The following VSNL1 variants were observed in gnomAD, a reference collection of about 807,000 sequenced individuals.
The protein encoded by VSNL1 is visinin like 1.
In VSNL1, 6 loss-of-function variants were observed where a neutral mutation model predicts 20.4. The ratio of observed to expected loss-of-function variants is 0.29; its 90% confidence interval spans 0.16 to 0.58. VSNL1 has a LOEUF of 0.58. VSNL1 is among the 20% of genes least tolerant of loss of function. VSNL1 has a pLI of 0.90. For missense variants in VSNL1, 100 were observed against 234.5 expected (o/e 0.43, Z 3.75); for synonymous variants, 93 against 86.4 (o/e 1.08, Z -0.42).
chr2:17,543,554 C>A (rs112333943), intron 1 of VSNL1, among the ~76,000 whole-genome samples: 1 of 152,200 alleles, frequency 6.6e-6, no homozygotes, highest in Non-Finnish European at 1.5e-5. Context: ...TGTCTCCAGC[C>A]TTCCTGGAAA....
chr2:17,592,668 T>C (rs1201591302), intron 2 of VSNL1, among the ~76,000 whole-genome samples: 7 of 116,030 alleles, frequency 6.0e-5, no homozygotes, highest in East Asian at 5.2e-4. Context: ...TTTTTTTTTT[T>C]TTTTTTTTTT....
intron 2 of VSNL1, among the ~76,000 whole-genome samples, chr2:17,624,078 G>A (rs1245187570): frequency 6.6e-6 from 1 of 152,236 alleles, no homozygotes; most frequent in Non-Finnish European, 1.5e-5. Context: ...GAATTATCAT[G>A]AGGACTAAAG....
At chr2:17,613,251 C>G (rs1279628601) in intron 2 of VSNL1, among the ~76,000 whole-genome samples, 1 of 152,184 alleles carries the variant, frequency 6.6e-6, no homozygotes, top group Non-Finnish European at 1.5e-5. Context: ...TTTCTCAAAT[C>G]TTCAGCAAGG....
At chr2:17,555,039 G>A (rs1663640497) in intron 1 of VSNL1, among the ~76,000 whole-genome samples, 1 of 148,526 alleles carries the variant, frequency 6.7e-6, no homozygotes, top group African/African-American at 2.4e-5. Flanking sequence ...CCACTTAAAG[G>A]AAAATCTTTG....
At chr2:17,591,598 G>A (rs920215702) in intron 1 of VSNL1, among the ~76,000 whole-genome samples, 3 of 152,128 alleles carry the variant, frequency 2.0e-5, no homozygotes, top group Admixed American at 6.6e-5. Flanking sequence ...TAATATTGCT[G>A]ATTGGATATT....
At position 17,561,878 on chromosome 2, in the gene VSNL1, TG is replaced by T. The variant is rs1237732314; in HGVS notation, c.-6+20962del. On this transcript the variant is annotated intron_variant, in intron 1 of 3. Transcript: ENST00000295156. ...CACACCAAGTATCTATTCTTTTTTT[TG>T]GTGACTCTTAACAATAGCCAAGAAG... 7.2e-5 allele frequency among the ~76,000 whole-genome samples: 11 copies of T among 152,332 alleles called. No individual in the cohort carries two copies. In the East Asian group the frequency reaches 1.7e-3, roughly 24 times the overall value.
chr2:17,543,239 A>G (rs1663331007), intron 1 of VSNL1, among the ~76,000 whole-genome samples: 1 of 151,994 alleles, frequency 6.6e-6, no homozygotes, highest in South Asian at 2.1e-4. Context: ...ATCTCAGACA[A>G]TTTCTTTGGA....
At chr2:17,570,255 C>T (rs2103355493) in intron 1 of VSNL1, among the ~76,000 whole-genome samples, 1 of 152,276 alleles carries the variant, frequency 6.6e-6, no homozygotes, top group Non-Finnish European at 1.5e-5. Context: ...ATGAGACTCC[C>T]TACATGCGTA....
chr2:17,655,685 A>G lies in VSNL1; in HGVS notation c.*291A>G. On this transcript the variant is annotated 3_prime_UTR_variant, in exon 4 of 4. Transcript: ENST00000295156. The surrounding 1 kb of genome is among the most constrained non-coding windows in gnomAD (Gnocchi z 5.2). ...CTCTTCCTCCAAAGCCTGGGCAGAA[A>G]TGTGCTGCAAAGAGTTATATGACTT... 3.2e-6 allele frequency: 1 copy of G among 314,754 alleles called. No homozygotes were observed. Among genetic ancestry groups the G allele is most frequent in the South Asian group, 4.4e-5 (1 of 22,654 alleles). The allele number at this position is 314,754 out of a possible 1,614,324, so 19.5% of individuals were successfully genotyped here. A position where few individuals can be genotyped will look rare whatever the true frequency, so the allele number is the denominator to read the frequency against.
chr2:17,541,689 A>G (rs1017288358), intron 1 of VSNL1: 24 of 152,150 alleles, frequency 1.6e-4, no homozygotes, highest in African/African-American at 5.6e-4. Flanking sequence ...GGTGTGTTAC[A>G]TTTGGTAGTA....
At chr2:17,629,927 T>C (rs768957527) in intron 2 of VSNL1, among the ~76,000 whole-genome samples, 1 of 152,222 alleles carries the variant, frequency 6.6e-6, no homozygotes, top group African/African-American at 2.4e-5. Flanking sequence ...CCAGGCTTTT[T>C]ATGGACTCGG....
chr2:17,572,752 C>T (rs1466321891), intron 1 of VSNL1, among the ~76,000 whole-genome samples: 1 of 152,210 alleles, frequency 6.6e-6, no homozygotes, highest in African/African-American at 2.4e-5. Flanking sequence ...GTGGTATTCT[C>T]TTACTACTTA....
chr2:17,642,309 C>CTTTTTGTTTTTTTTTTTTTT (rs1665897918), intron 2 of VSNL1, among the ~76,000 whole-genome samples: 1 of 93,194 alleles, frequency 1.1e-5, no homozygotes, highest in Non-Finnish European at 2.3e-5. Flanking sequence ...GTGAGCATTC[C>CTTTTTGTTTTTTTTTTTTTT]TTTTTTTTTT....
At chr2:17,616,637 G>T (rs138347428) in intron 2 of VSNL1, among the ~76,000 whole-genome samples, 311 of 152,330 alleles carry the variant, frequency 2.0e-3, no homozygotes, top group Non-Finnish European at 2.7e-3. Context: ...GCAGTTACTT[G>T]TGTGTATGTC....
intron 2 of VSNL1, among the ~76,000 whole-genome samples, chr2:17,626,053 A>C (rs1284073739): frequency 6.6e-6 from 1 of 151,916 alleles, no homozygotes; most frequent in Non-Finnish European, 1.5e-5. Context: ...TCCTGATCTC[A>C]AGTGATCCGC....
intron 1 of VSNL1, among the ~76,000 whole-genome samples, chr2:17,573,858 C>G (rs886438594): frequency 6.6e-6 from 1 of 152,182 alleles, no homozygotes; most frequent in Non-Finnish European, 1.5e-5. Flanking sequence ...TTGTGTCTTC[C>G]CTAGACCTGT....
intron 2 of VSNL1, among the ~76,000 whole-genome samples, chr2:17,611,125 G>T (rs995018172): frequency 1.3e-5 from 2 of 152,152 alleles, no homozygotes; most frequent in African/African-American, 4.8e-5. Context: ...TGTAGCATTC[G>T]CTGTGTACCT....
At chr2:17,553,259 G>A (rs981691966) in intron 1 of VSNL1, among the ~76,000 whole-genome samples, 1 of 152,102 alleles carries the variant, frequency 6.6e-6, no homozygotes, top group Non-Finnish European at 1.5e-5. Flanking sequence ...ATGTCTAATG[G>A]CTCTGAATCT....
intron 2 of VSNL1, among the ~76,000 whole-genome samples, chr2:17,607,399 G>T (rs1404373577): frequency 6.6e-6 from 1 of 152,194 alleles, no homozygotes. Context: ...ATAAAATGTG[G>T]TACAAAGGCA....
Sources: gnomAD v4.1 joint callset for allele counts (sites outside exome capture counted in the v4.1 genomes callset) on GRCh38, gnomAD v4.1.1 for gene constraint, Gnocchi (gnomAD v3.1) non-coding constraint, MANE v1.5 for transcripts, NCBI Gene and HGNC (gene_info 2026-07-23, HGNC 2026-07-21) for gene names.